The following PID1 variants were observed in gnomAD, a reference collection of about 807,000 sequenced individuals.
PID1 encodes phosphotyrosine interaction domain containing 1.
In PID1, 10 loss-of-function variants were observed where a neutral mutation model predicts 19.1. The ratio of observed to expected loss-of-function variants is 0.52; its 90% CI spans 0.32 to 0.89. The LOEUF (loss-of-function observed/expected upper bound fraction) is 0.89. Among genes scored for constraint, PID1 ranks in the 40% least tolerant of loss-of-function variants. PID1 has a pLI of 0.03. For missense variants in PID1, 248 were observed against 285.3 expected (o/e 0.87, Z 0.94); for synonymous variants, 130 against 116.0 (o/e 1.12, Z -0.78).
intron 1 of PID1, among the ~76,000 whole-genome samples, chr2:229,233,524 C>T (rs1309731502): frequency 2.0e-5 from 3 of 148,288 alleles, no homozygotes; most frequent in African/African-American, 7.5e-5. Flanking sequence ...TGGAGTCTCA[C>T]TCTATCACCC....
intron 2 of PID1, among the ~76,000 whole-genome samples, chr2:229,068,692 C>T (rs902805851): frequency 6.6e-6 from 1 of 152,096 alleles, no homozygotes; most frequent in Non-Finnish European, 1.5e-5. Context: ...CAGCATGGAG[C>T]GGATCAGAGA....
chr2:229,042,084 C>A (rs2106175229), intron 2 of PID1, among the ~76,000 whole-genome samples: 1 of 152,242 alleles, frequency 6.6e-6, no homozygotes, highest in Middle Eastern at 3.4e-3. Context: ...GAACCTCTTA[C>A]TTTCTAGAAA....
At chr2:229,229,353 T>G (rs1692153516) in intron 1 of PID1, among the ~76,000 whole-genome samples, 1 of 152,142 alleles carries the variant, frequency 6.6e-6, no homozygotes, top group Non-Finnish European at 1.5e-5. Flanking sequence ...TCACTCCAAC[T>G]TGTAACTGGA....
chr2:229,178,049 C>A (rs1218923914), intron 1 of PID1, among the ~76,000 whole-genome samples: 1 of 152,154 alleles, frequency 6.6e-6, no homozygotes, highest in Admixed American at 6.5e-5. Context: ...AGGCCCAAGT[C>A]AGAGACTGGG....
At chr2:229,240,774 T>C (rs1371303591) in intron 1 of PID1, among the ~76,000 whole-genome samples, 5 of 152,168 alleles carry the variant, frequency 3.3e-5, no homozygotes, top group Non-Finnish European at 7.4e-5. Context: ...GGGAAATTTT[T>C]ATCCATTATT....
rs1300637665 is a variant in PID1 at position 229,024,072 on chromosome 2, A to G, written c.*1560T>C. The G allele has an allele frequency of 1.3e-5, 2 of 152,694 alleles. No individual in the cohort carries two copies. The highest frequency in any genetic ancestry group is 4.8e-5 in the African/African-American group (2 of 41,470). The allele number at this position is 152,694 out of a possible 1,614,324, so 9.5% of individuals were successfully genotyped here. A position where few individuals can be genotyped will look rare whatever the true frequency, so the allele number is the denominator to read the frequency against. Reference sequence around the variant, plus strand: ...TTACATATGTTGTAAAGCAACAAGCATATCTTCAAGAAGTGAGTCCTCCTC... The same window carrying G: ...TTACATATGTTGTAAAGCAACAAGCGTATCTTCAAGAAGTGAGTCCTCCTC... On this transcript the variant is annotated 3_prime_UTR_variant, in exon 3 of 3. Transcript: ENST00000392055.
chr2:229,258,704 A>G (rs1690370816), intron 1 of PID1, among the ~76,000 whole-genome samples: 1 of 152,102 alleles, frequency 6.6e-6, no homozygotes, highest in Non-Finnish European at 1.5e-5. Flanking sequence ...TAAAAATACA[A>G]AAAATTAGCC....
At chr2:229,167,197 A>G (rs1690616836) in intron 1 of PID1, among the ~76,000 whole-genome samples, 1 of 152,178 alleles carries the variant, frequency 6.6e-6, no homozygotes, top group Admixed American at 6.5e-5. Flanking sequence ...TCAGGCATGA[A>G]TCATTGTTTA....
intron 1 of PID1, among the ~76,000 whole-genome samples, chr2:229,249,280 AT>A (rs1189113893): frequency 5.9e-5 from 9 of 152,202 alleles, no homozygotes; most frequent in Admixed American, 3.3e-4. Flanking sequence ...AGAATTGTGC[AT>A]TTTCCCCCAT....
intron 2 of PID1, among the ~76,000 whole-genome samples, chr2:229,133,643 A>T (rs775619392): frequency 1.3e-5 from 2 of 152,220 alleles, no homozygotes; most frequent in Non-Finnish European, 2.9e-5. Context: ...TTCATGCCCA[A>T]TATCGACAAC....
At chr2:229,037,157 A>T (rs946410238) in intron 2 of PID1, among the ~76,000 whole-genome samples, 1 of 152,190 alleles carries the variant, frequency 6.6e-6, no homozygotes, top group Admixed American at 6.5e-5. Flanking sequence ...GAGAAAATTT[A>T]AAAAATGCTT....
chr2:229,252,123 T>C (rs1176205573), intron 1 of PID1, among the ~76,000 whole-genome samples: 2 of 151,820 alleles, frequency 1.3e-5, no homozygotes, highest in African/African-American at 2.4e-5. Context: ...GAGGTGGTGA[T>C]GGCCCCTTGG....
chr2:229,111,117 C>T (rs888334367), intron 2 of PID1, among the ~76,000 whole-genome samples: 1 of 152,144 alleles, frequency 6.6e-6, no homozygotes, highest in African/African-American at 2.4e-5. Context: ...CTTTTGCCTT[C>T]CACCATGATT....
chr2:229,187,102 C>A (rs1184509700), intron 1 of PID1, among the ~76,000 whole-genome samples: 2 of 152,208 alleles, frequency 1.3e-5, no homozygotes, highest in Non-Finnish European at 2.9e-5. Context: ...CCATCTCAGC[C>A]TGGACCTTAT....
chr2:229,030,903 G>A, intron 2 of PID1, among the ~76,000 whole-genome samples: 1 of 152,118 alleles, frequency 6.6e-6, no homozygotes. Context: ...TTATCTATAT[G>A]AGATTATATA....
intron 1 of PID1, among the ~76,000 whole-genome samples, chr2:229,167,757 T>C (rs867556604): frequency 7.9e-5 from 12 of 152,216 alleles, no homozygotes; most frequent in Admixed American, 6.5e-5. Flanking sequence ...ACTATGATTA[T>C]ACAAAATTTA....
chr2:229,088,307 C>T (rs1694808207), intron 2 of PID1, among the ~76,000 whole-genome samples: 1 of 152,062 alleles, frequency 6.6e-6, no homozygotes, highest in South Asian at 2.1e-4. Flanking sequence ...CTACTGTAAG[C>T]CAGGCCCTAA....
rs369643993 is a variant in PID1, at chr2:229,178,975, G to A, written c.31-23011C>T. On this transcript the variant is annotated intron_variant, in intron 1 of 2. Transcript: ENST00000392055. ...CCCAAAGCCAGATCCTCTCTGGAAA[G>A]GTCAGATGTGAAAACTCAGTCCAAA... Among the ~76,000 whole-genome samples, 36 of 151,600 alleles carry A rather than the reference G, an allele frequency of 2.4e-4. No individual in the cohort carries two copies. In the South Asian group the frequency reaches 5.6e-3, roughly 24 times the overall value.
At chr2:229,030,879 A>G (rs1693534078) in intron 2 of PID1, among the ~76,000 whole-genome samples, 1 of 152,200 alleles carries the variant, frequency 6.6e-6, no homozygotes, top group Non-Finnish European at 1.5e-5. Flanking sequence ...GAGATTATAT[A>G]AATTCGAAAT....
Sources: gnomAD v4.1 joint callset for allele counts (sites outside exome capture counted in the v4.1 genomes callset) on GRCh38, gnomAD v4.1.1 for gene constraint, MANE v1.5 for transcripts, NCBI Gene and HGNC (gene_info 2026-07-23, HGNC 2026-07-21) for gene names.